Variants in CEP104 observed in about 807,000 individuals in gnomAD.
The protein encoded by CEP104 is centrosomal protein of 104 kDa.
Under a neutral mutation model 113.3 loss-of-function variants are expected in CEP104, and 84 were observed. That is an observed-to-expected ratio of 0.74 (90% CI 0.62 to 0.89). CEP104 has a LOEUF of 0.89. Among genes scored for constraint, CEP104 ranks in the 40% least tolerant of loss-of-function variants. CEP104 has a pLI of 0.00. For missense variants in CEP104, 1,053 were observed against 1,156.6 expected, an observed-to-expected ratio of 0.91 and a Z score of 1.30; for synonymous variants, 378 against 421.7, an observed-to-expected ratio of 0.90 and a Z score of 1.27.
In CEP104 at chr1:3,815,443, C is replaced by T. The variant is rs201733773; in HGVS notation, c.2737G>A (p.Gly913Arg). 372 of 1,613,282 alleles carry T rather than the reference C, an allele frequency of 2.3e-4. No individual in the cohort carries two copies. The highest frequency in any genetic ancestry group is 9.2e-4 in the Admixed American group (55 of 59,982). The change falls in exon 22 of 22, where the codon GGA becomes AGA. Residue 913 changes from glycine to arginine, a missense_variant. Gly to Arg is a moderately radical substitution (Grantham distance 125). Coordinates refer to ENST00000378230, the MANE Select transcript of CEP104 (RefSeq NM_014704.4). ...AGSKIPTPKG[G>R]LSKSSSRTYA... The stretch of plus-strand genomic sequence containing the variant: ...GTCCTGCTGGAGCTCTTGCTCAGTC[C>T]GCCCTTCGGGGTGGGGATCTTGCTT...
At chr1:3,829,003 C>T (rs1339312023) in intron 15 of CEP104, among the ~76,000 whole-genome samples, 2 of 152,118 alleles carry the variant, frequency 1.3e-5, no homozygotes, top group Admixed American at 6.5e-5. Context: ...GGCCCACAGC[C>T]CCTGGTCCCT....
At chr1:3,848,129 G>A (rs1284902475) in intron 3 of CEP104, among the ~76,000 whole-genome samples, 3 of 152,072 alleles carry the variant, frequency 2.0e-5, no homozygotes, top group Non-Finnish European at 4.4e-5. Context: ...AAATTATAGC[G>A]CTGCTTTTTA....
chr1:3,835,147 C>T lies in CEP104; in HGVS notation c.1318-55G>A, dbSNP rs1024141843. The T allele has an allele frequency of 3.8e-5, 54 of 1,411,714 alleles. No individual in the cohort carries two copies. The Middle Eastern group carries it at 7.4e-4, about 19-fold the overall frequency. The allele number at this position is 1,411,714 out of a possible 1,614,324, so 87.4% of individuals were successfully genotyped here. ...ATCACACAACCATCCTCCAACACTA[C>T]ACAACTTGAAGGCTTTGTTTTTTTT... On this transcript the variant is annotated intron_variant, in intron 10 of 21. Transcript: ENST00000378230.
At chr1:3,840,286 G>T (rs968736249) in intron 6 of CEP104, among the ~76,000 whole-genome samples, 2 of 152,166 alleles carry the variant, frequency 1.3e-5, no homozygotes, top group African/African-American at 4.8e-5. Context: ...GCCTAGGCTG[G>T]AGTGCAATGG....
intron 10 of CEP104, among the ~76,000 whole-genome samples, chr1:3,835,921 C>A (rs1265095447): frequency 2.6e-5 from 4 of 151,846 alleles, no homozygotes; most frequent in African/African-American, 9.7e-5. Flanking sequence ...CTTTGGGAGG[C>A]CAAGGCCAGG....
At chr1:3,852,933 G>A (rs188343398) in intron 1 of CEP104, among the ~76,000 whole-genome samples, 30 of 151,602 alleles carry the variant, frequency 2.0e-4, no homozygotes, top group East Asian at 9.7e-4. Context: ...GCCAGCAGGC[G>A]CCCAAGGTTA....
chr1:3,815,237 T>C lies in CEP104; in HGVS notation c.*165A>G, dbSNP rs1643862650. 1.6e-6 allele frequency: 1 copy of C among 609,280 alleles called. No homozygotes were observed. The highest frequency in any genetic ancestry group is 2.9e-6 in the Non-Finnish European group (1 of 340,282). The allele number at this position is 609,280 out of a possible 1,614,324, so 37.7% of individuals were successfully genotyped here. On this transcript the variant is annotated 3_prime_UTR_variant, in exon 22 of 22. Transcript: ENST00000378230. ...TTTGGTTAGCTGCATCCATATCGTT[T>C]GCACGAGAGCTGACGGCACAGACGC...
At chr1:3,843,825 A>C (rs1644458536) in intron 6 of CEP104, among the ~76,000 whole-genome samples, 1 of 151,838 alleles carries the variant, frequency 6.6e-6, no homozygotes, top group African/African-American at 2.4e-5. Flanking sequence ...GCAGTGGCAC[A>C]ATCTCGGCTC....
chr1:3,840,598 C>A (rs1227838120), intron 6 of CEP104, among the ~76,000 whole-genome samples: 2 of 151,704 alleles, frequency 1.3e-5, no homozygotes, highest in Non-Finnish European at 2.9e-5. Flanking sequence ...AGTGCAGTGG[C>A]ATGATCTTGG....
At chr1:3,822,988 CA>C in intron 20 of CEP104, 185 bp downstream of exon 20, 2 of 633,318 alleles carry the variant, frequency 3.2e-6, no homozygotes, top group Non-Finnish European at 5.6e-6. Flanking sequence ...GGAAGGAAAT[CA>C]TGTGAACACG....
At chr1:3,816,667 G>A (rs1643885555) in intron 20 of CEP104, among the ~76,000 whole-genome samples, 1 of 152,246 alleles carries the variant, frequency 6.6e-6, no homozygotes, top group Admixed American at 6.5e-5. Context: ...GCACAGCAGA[G>A]CGTGCACGCA....
intron 10 of CEP104, among the ~76,000 whole-genome samples, chr1:3,835,928 CAGG>C (rs1024134439): frequency 2.9e-4 from 43 of 148,524 alleles, no homozygotes; most frequent in African/African-American, 1.0e-3. Context: ...AGGCCAAGGC[CAGG>C]AGTTCAAGGC....
intron 10 of CEP104, among the ~76,000 whole-genome samples, chr1:3,835,862 A>C (rs1178116240): frequency 1.3e-5 from 2 of 152,166 alleles, no homozygotes; most frequent in African/African-American, 2.4e-5. Context: ...CACATAATTT[A>C]TAATTTACAG....
intron 6 of CEP104, 90 bp from the exon 7 acceptor site, chr1:3,839,866 A>G (rs1193500329): frequency 4.1e-6 from 4 of 983,898 alleles, no homozygotes; most frequent in African/African-American, 1.6e-5. Flanking sequence ...GCCCCTCCCC[A>G]TCCTGCCCCA....
At chr1:3,830,763 C>T (rs1401363068) in intron 13 of CEP104, among the ~76,000 whole-genome samples, 7 of 119,176 alleles carry the variant, frequency 5.9e-5, no homozygotes, top group East Asian at 2.2e-4. Context: ...GGCGACAGAA[C>T]GAGACTCCAT....
At chr1:3,847,380 T>C in intron 4 of CEP104, 95 bp downstream of exon 4, 2 of 1,211,214 alleles carry the variant, frequency 1.7e-6, no homozygotes, top group Non-Finnish European at 2.3e-6. Flanking sequence ...TCTTATAAGA[T>C]CACCTTGAAA....
chr1:3,848,867 G>A (rs1010615104), intron 2 of CEP104, 86 bp from the exon 3 acceptor site: 2 of 1,085,650 alleles, frequency 1.8e-6, no homozygotes, highest in Non-Finnish European at 2.7e-6. Context: ...CAGGTAAGAA[G>A]CATTAACCAC....
Position 3,836,194 on chromosome 1 carries a change from T to G in CEP104, c.1317+301A>C, listed in dbSNP as rs539247666. ...GGTGGCGGGCACCTGTAGTCTCAGC[T>G]ACTCAGGAGGCTGAGGTAGGAGAAC... On this transcript the variant is annotated intron_variant, in intron 10 of 21. Transcript: ENST00000378230. 7.3e-5 allele frequency among the ~76,000 whole-genome samples: 11 copies of G among 151,488 alleles called. No homozygotes were observed. The South Asian group carries it at 2.1e-3, about 29-fold the overall frequency.
chr1:3,850,772 T>C (rs1228719712), intron 2 of CEP104, among the ~76,000 whole-genome samples: 1 of 152,200 alleles, frequency 6.6e-6, no homozygotes, highest in Non-Finnish European at 1.5e-5. Context: ...GATCCTTTTC[T>C]TGGGTACATC....
Sources: gnomAD v4.1 joint callset for allele counts (sites outside exome capture counted in the v4.1 genomes callset) on GRCh38, gnomAD v4.1.1 for gene constraint, MANE v1.5 for transcripts, NCBI Gene and HGNC (gene_info 2026-07-23, HGNC 2026-07-21) for gene names.